Variants in RSRC2 observed in about 807,000 individuals in gnomAD.
RSRC2 encodes the protein arginine and serine rich coiled-coil 2, also known as arginine/serine-rich coiled-coil protein 2.
RSRC2 carries 5 observed loss-of-function variants against 61.3 expected under a neutral mutation model. The ratio of observed to expected loss-of-function variants is 0.08; its 90% CI spans 0.04 to 0.17. The LOEUF is 0.17. Ranked by LOEUF, RSRC2 falls within the 10% of genes least tolerant of loss-of-function variation. The probability of loss-of-function intolerance (pLI) is 1.00; values close to 1 mark genes in which losing one functional copy is unlikely to be tolerated. For synonymous variants in RSRC2, 202 were observed against 166.5 expected (o/e 1.21, Z -1.64); for missense variants, 381 against 518.8 (o/e 0.73, Z 2.58).
At chr12:122,510,154 G>T (rs866241111) in intron 7 of RSRC2, among the ~76,000 whole-genome samples, 2 of 152,070 alleles carry the variant, frequency 1.3e-5, no homozygotes, top group African/African-American at 2.4e-5. Context: ...TGTTTGTTAC[G>T]CATAAAAACT....
chr12:122,510,674 G>A (rs1958440017), intron 7 of RSRC2, among the ~76,000 whole-genome samples: 1 of 152,046 alleles, frequency 6.6e-6, no homozygotes, highest in African/African-American at 2.4e-5. Flanking sequence ...CACGTTTACA[G>A]TGTACTGATG....
intron 2 of RSRC2, 24 bp downstream of exon 2, chr12:122,522,119 G>A (rs1264725032): frequency 6.3e-7 from 1 of 1,598,542 alleles, no homozygotes; most frequent in Non-Finnish European, 8.5e-7. Context: ...GCTGAGAGTT[G>A]TAACCACCTT....
At position 122,522,318 on chromosome 12, in the gene RSRC2, A is replaced by G. The variant is rs1314635035; in HGVS notation, c.7-19T>C. On this transcript the variant is annotated intron_variant, in intron 1 of 9. Coordinates refer to ENST00000331738, the MANE Select transcript of RSRC2 (RefSeq NM_023012.6). ...CACTAGCCTAAAAGTTTAAAAACAAATGATTAAAGTTCTTAATTACATTTT... is the reference window on the plus strand; with the variant it reads ...CACTAGCCTAAAAGTTTAAAAACAAGTGATTAAAGTTCTTAATTACATTTT... 6.4e-7 allele frequency: 1 copy of G among 1,571,978 alleles called. No homozygotes were observed. Among genetic ancestry groups the G allele is most frequent in the Admixed American group, 2.1e-5 (1 of 48,646 alleles).
At chr12:122,518,612 G>C (rs2137519958) in intron 4 of RSRC2, among the ~76,000 whole-genome samples, 1 of 147,106 alleles carries the variant, frequency 6.8e-6, no homozygotes, top group African/African-American at 2.5e-5. Context: ...AAAGGGAAAA[G>C]AAATCTAGGC....
chr12:122,514,303 C>T (rs533290663), intron 6 of RSRC2, among the ~76,000 whole-genome samples: 38 of 142,242 alleles, frequency 2.7e-4, no homozygotes, highest in African/African-American at 7.4e-4. Context: ...CTCGCTCTAT[C>T]GCCCAGGCTG....
At chr12:122,525,197 AACC>A (rs1271368422) in intron 1 of RSRC2, among the ~76,000 whole-genome samples, 1 of 152,092 alleles carries the variant, frequency 6.6e-6, no homozygotes, top group Non-Finnish European at 1.5e-5. Context: ...GACGTGGTGA[AACC>A]CCGTCTCTAC....
At chr12:122,513,236 TAAA>T (rs1467519422) in intron 6 of RSRC2, among the ~76,000 whole-genome samples, 2 of 120,078 alleles carry the variant, frequency 1.7e-5, no homozygotes, top group African/African-American at 7.1e-5. Flanking sequence ...AATAAATAAA[TAAA>T]TAAATAAAAT....
chr12:122,514,195 C>T lies in RSRC2; in HGVS notation c.725+910G>A, dbSNP rs545913604. ...AGTTTTGCAGATTTCAATATATAGT[C>T]GTGCTGTGTGTGGTTTCACCATTAC... On this transcript the variant is annotated intron_variant, in intron 6 of 9. Transcript: ENST00000331738. Among the ~76,000 whole-genome samples the T allele has an allele frequency of 6.6e-5, 10 of 151,020 alleles. No homozygotes were observed. In the East Asian group the frequency reaches 1.4e-3, roughly 20 times the overall value.
rs1267560159 is a variant in RSRC2 at position 122,508,208 on chromosome 12, G to C, written c.1035+10C>G. 3.1e-6 allele frequency: 5 copies of C among 1,605,776 alleles called. No homozygotes were observed. The highest frequency in any genetic ancestry group is 1.1e-5 in the South Asian group (1 of 90,902). ...AATAAACGACAGAAAAGCAGAATAA[G>C]AGAACTTACCCCTTCTTTCTTGCCC... On this transcript the variant is annotated intron_variant, in intron 8 of 9. Transcript: ENST00000331738.
intron 7 of RSRC2, 148 bp downstream of exon 7, chr12:122,510,961 A>G: frequency 1.7e-6 from 1 of 600,088 alleles, no homozygotes; most frequent in South Asian, 2.1e-5. Flanking sequence ...AGGTGGGAGG[A>G]TCACTTGAGC....
intron 7 of RSRC2, among the ~76,000 whole-genome samples, chr12:122,509,275 C>T (rs932232092): frequency 6.6e-6 from 1 of 151,692 alleles, no homozygotes; most frequent in Non-Finnish European, 1.5e-5. Context: ...AGTGAAACCC[C>T]GTCTCAAATA....
intron 6 of RSRC2, 130 bp downstream of exon 6, chr12:122,514,975 G>C (rs1234792635): frequency 2.0e-6 from 2 of 1,024,726 alleles, no homozygotes; most frequent in Non-Finnish European, 2.9e-6. Context: ...CATAGTTCTA[G>C]ATCACAAATA....
chr12:122,513,526 T>C (rs1250732486), intron 6 of RSRC2, among the ~76,000 whole-genome samples: 1 of 151,948 alleles, frequency 6.6e-6, no homozygotes, highest in Non-Finnish European at 1.5e-5. Flanking sequence ...TTTAAAAAAA[T>C]CCAAAAACAC....
chr12:122,522,453 A>G (rs1192293896), intron 1 of RSRC2, 154 bp from the exon 2 acceptor site: 2 of 648,502 alleles, frequency 3.1e-6, no homozygotes, highest in Non-Finnish European at 2.4e-6. Context: ...TTGTACACTA[A>G]TAAGGCTGAA....
rs1305415814 is a variant in RSRC2, at chr12:122,503,556, A to T, written c.*1971T>A. On this transcript the variant is annotated 3_prime_UTR_variant, in exon 10 of 10. Coordinates refer to ENST00000331738, the MANE Select transcript of RSRC2 (RefSeq NM_023012.6). ...GTCAGCTCCTAAAATAACTGTAGAC[A>T]CACAGGAAGCTTTTGCGTCCACACT... is the stretch of plus-strand genomic sequence containing the variant. 1 of 152,242 alleles carries T rather than the reference A, an allele frequency of 6.6e-6. No individual in the cohort carries two copies. The highest frequency in any genetic ancestry group is 2.4e-5 in the African/African-American group (1 of 41,448). The allele number at this position is 152,242 out of a possible 1,614,324, so 9.4% of individuals were successfully genotyped here.
rs1039458340 is a variant in RSRC2 at position 122,504,106 on chromosome 12, T to C, written c.*1421A>G. ...CATTTTCATGTATAAAAAAAATACC[T>C]AATGAGCAAGTTGGCAAGACTTAAT... is the stretch of plus-strand genomic sequence containing the variant. On this transcript the variant is annotated 3_prime_UTR_variant, in exon 10 of 10. Coordinates refer to ENST00000331738, the MANE Select transcript of RSRC2 (RefSeq NM_023012.6). The C allele has an allele frequency of 6.6e-6, 1 of 152,104 alleles. No homozygotes were observed. Among genetic ancestry groups the C allele is most frequent in the African/African-American group, 2.4e-5 (1 of 41,410 alleles). 9.4% of individuals were successfully genotyped at this position (152,104 alleles called of 1,614,324 possible). A position where few individuals can be genotyped will look rare whatever the true frequency, so the allele number is the denominator to read the frequency against.
intron 6 of RSRC2, among the ~76,000 whole-genome samples, chr12:122,512,872 AG>A (rs1227545017): frequency 6.6e-6 from 1 of 152,152 alleles, no homozygotes; most frequent in Non-Finnish European, 1.5e-5. Context: ...TGAGAATAAA[AG>A]TTTGTAAATT....
intron 5 of RSRC2, 131 bp downstream of exon 5, chr12:122,517,096 A>C: frequency 7.7e-7 from 1 of 1,303,406 alleles, no homozygotes; most frequent in South Asian, 1.4e-5. Context: ...ACGTTAGGTA[A>C]TGACTAAAAT....
intron 6 of RSRC2, among the ~76,000 whole-genome samples, chr12:122,513,194 CAAAAATAA>C (rs1160347142): frequency 2.5e-5 from 3 of 120,054 alleles, no homozygotes; most frequent in African/African-American, 1.0e-4. Context: ...GACTCCGTCT[CAAAAATAA>C]ATAAATAAAT....
Sources: gnomAD v4.1 joint callset for allele counts (sites outside exome capture counted in the v4.1 genomes callset) on GRCh38, gnomAD v4.1.1 for gene constraint, MANE v1.5 for transcripts, NCBI Gene and HGNC (gene_info 2026-07-23, HGNC 2026-07-21) for gene names.